HTT: variants seen among roughly 807,000 people sequenced by gnomAD.
The protein encoded by HTT is huntingtin.
Under a neutral mutation model 362.3 loss-of-function variants are expected in HTT, and 104 were observed. That is an observed-to-expected ratio of 0.29 (90% CI 0.24 to 0.34). The LOEUF is 0.34. HTT is among the 10% of genes least tolerant of loss of function. The pLI is 1.00. For synonymous variants in HTT, 1,577 were observed against 1,548.7 expected, an observed-to-expected ratio of 1.02 and a Z score of -0.43; for missense variants, 3,301 against 3,928.6, an observed-to-expected ratio of 0.84 and a Z score of 4.27.
chr4:3,182,533 G>A, intron 37 of HTT, 63 bp downstream of exon 37: 2 of 1,039,258 alleles, frequency 1.9e-6, no homozygotes, highest in Non-Finnish European at 3.0e-6. Flanking sequence ...CCTTGTGAAA[G>A]GTGGGTGGCT....
At chr4:3,138,625 T>A (rs1716196692) in intron 21 of HTT, among the ~76,000 whole-genome samples, 1 of 152,212 alleles carries the variant, frequency 6.6e-6, no homozygotes, top group African/African-American at 2.4e-5. Flanking sequence ...TTATTTATTT[T>A]TTTTGAGATA....
intron 13 of HTT, 115 bp from the exon 14 acceptor site, chr4:3,130,190 T>TA: frequency 9.4e-7 from 1 of 1,059,780 alleles, no homozygotes; most frequent in Non-Finnish European, 1.4e-6. Flanking sequence ...AATTGAGGAA[T>TA]AATCATACTT....
chr4:3,187,813 G>T lies in HTT; in HGVS notation c.5152G>T (p.Asp1718Tyr), dbSNP rs1392214094. 6 of 1,613,508 alleles carry T rather than the reference G, an allele frequency of 3.7e-6. No individual in the cohort carries two copies. The highest frequency in any genetic ancestry group is 4.2e-6 in the Non-Finnish European group (5 of 1,179,442). ...AGTAATTAATAGGTTAAGAGATGGG[G>T]ACAGTACTTCAACGCTAGAAGAACA... ...CTVINRLRDG[D>Y]STSTLEEHSE... Residue 1718 changes from aspartate to tyrosine, a missense_variant, in exon 39 of 67, where the codon GAC (aspartate) becomes TAC (tyrosine). This residue lies in a region of HTT where 2,316 missense variants were observed against 2,658.5 expected (regional missense o/e 0.87). Coordinates refer to ENST00000355072, the MANE Select transcript of HTT (RefSeq NM_001388492.1).
At chr4:3,157,281 G>A (rs1717196690) in intron 28 of HTT, 82 bp downstream of exon 28, 1 of 1,327,508 alleles carries the variant, frequency 7.5e-7, no homozygotes, top group Non-Finnish European at 1.1e-6. Flanking sequence ...CTTATGATTT[G>A]TAGGATGTAT....
rs1208401558 is a variant in HTT at position 3,243,570 on chromosome 4, C to T, written c.*3511C>T. 6.6e-6 allele frequency: 1 copy of T among 152,284 alleles called. No homozygotes were observed. The highest frequency in any genetic ancestry group is 1.5e-5 in the Non-Finnish European group (1 of 68,064). 9.4% of individuals were successfully genotyped at this position (152,284 alleles called of 1,614,324 possible). A position where few individuals can be genotyped will look rare whatever the true frequency, so the allele number is the denominator to read the frequency against. ...CCTGGAAGGTTCAGGGGCCGCTCTT[C>T]CCCCATGTGCCTGTCACGCTCTGGT... On this transcript the variant is annotated 3_prime_UTR_variant, in exon 67 of 67. Transcript: ENST00000355072.
At chr4:3,234,805 A>T (rs1560606985) in intron 61 of HTT, among the ~76,000 whole-genome samples, 1 of 152,200 alleles carries the variant, frequency 6.6e-6, no homozygotes, top group Admixed American at 6.5e-5. Flanking sequence ...CTCTGTTCAC[A>T]GTGGCCACTC....
In HTT at chr4:3,174,779, A is replaced by T. The variant is rs370382867; in HGVS notation, c.4225A>T (p.Thr1409Ser). ...TQLKTNLTSVTKNRADKNAIH... is the reference protein window; with the variant it reads ...TQLKTNLTSVSKNRADKNAIH... Reference sequence around the variant, plus strand: ...GTTGAAGACAAACCTCACGAGTGTCACAAAGAACCGTGCAGATAAGGTAAA... The same window carrying T: ...GTTGAAGACAAACCTCACGAGTGTCTCAAAGAACCGTGCAGATAAGGTAAA... The change falls in exon 32 of 67, where the codon ACA (threonine) becomes TCA (serine). Residue 1409 changes from threonine (T) to serine (S), a missense_variant. This residue lies in a region of HTT where 2,316 missense variants were observed against 2,658.5 expected (regional missense o/e 0.87). Coordinates refer to ENST00000355072, the MANE Select transcript of HTT (RefSeq NM_001388492.1). The T allele has an allele frequency of 6.8e-6, 11 of 1,614,132 alleles. No homozygotes were observed. The South Asian group carries it at 1.1e-4, about 16-fold the overall frequency.
chr4:3,202,573 C>G (rs1011215363), intron 41 of HTT, among the ~76,000 whole-genome samples: 20 of 152,118 alleles, frequency 1.3e-4, no homozygotes, highest in African/African-American at 4.6e-4. Flanking sequence ...GTAACAGCCC[C>G]CCTCCCCCAA....
At position 3,217,750 on chromosome 4, in the gene HTT, C is replaced by T; in HGVS notation, c.7055-15C>T. 1.2e-6 allele frequency: 2 copies of T among 1,604,250 alleles called. No individual in the cohort carries two copies. The highest frequency in any genetic ancestry group is 8.5e-7 in the Non-Finnish European group (1 of 1,173,762). On this transcript the variant is annotated splice_polypyrimidine_tract_variant and intron_variant, in intron 51 of 66. Transcript: ENST00000355072. ...TGTTTTTTAAAAAGTCCTCTCTTAA[C>T]CGTTGCTTGTTTAGATCCTAAGTAT...
At chr4:3,182,772 C>G (rs908081688) in intron 37 of HTT, among the ~76,000 whole-genome samples, 3 of 152,210 alleles carry the variant, frequency 2.0e-5, no homozygotes, top group African/African-American at 7.2e-5. Flanking sequence ...AAAGCCCGAA[C>G]CCTTACCTCC....
At chr4:3,231,616 C>T (rs1025817238) in intron 60 of HTT, among the ~76,000 whole-genome samples, 3 of 152,146 alleles carry the variant, frequency 2.0e-5, no homozygotes, top group Non-Finnish European at 4.4e-5. Context: ...GGGTGTCCTT[C>T]AGCCTGGTGC....
Position 3,145,233 on chromosome 4 carries a change from GTAT to G in HTT, c.3143+7_3143+9del. 1 of 1,582,198 alleles carries G rather than the reference GTAT, an allele frequency of 6.3e-7. No individual in the cohort carries two copies. The highest frequency in any genetic ancestry group is 8.7e-7 in the Non-Finnish European group (1 of 1,150,936). Reference sequence around the variant, plus strand: ...GAGTTTAGGTTGGCACTGTGGGTATGTATTTTCCTCAGTATATATTAATAGTTG... The same window carrying G: ...GAGTTTAGGTTGGCACTGTGGGTATGTTTCCTCAGTATATATTAATAGTTG... On this transcript the variant is annotated splice_donor_region_variant and intron_variant, in intron 24 of 66. Coordinates refer to ENST00000355072, the MANE Select transcript of HTT (RefSeq NM_001388492.1).
intron 23 of HTT, among the ~76,000 whole-genome samples, chr4:3,143,270 C>G (rs1189599650): frequency 6.6e-6 from 1 of 151,834 alleles, no homozygotes; most frequent in Non-Finnish European, 1.5e-5. Context: ...AACCCCATCT[C>G]TACTAAAAAT....
rs918588359 is a variant in HTT, at chr4:3,143,122, C to T, written c.3066+236C>T. Among the ~76,000 whole-genome samples the T allele has an allele frequency of 1.3e-3, 196 of 152,168 alleles. 1 individual carries two copies. The highest frequency in any genetic ancestry group is 4.5e-3 in the African/African-American group (185 of 41,528). ...AATACACGCCCAAAATAAAAAAATT[C>T]AGCCAATTTAGGAAGACACAACAAT... On this transcript the variant is annotated intron_variant, in intron 23 of 66. Coordinates refer to ENST00000355072, the MANE Select transcript of HTT (RefSeq NM_001388492.1).
At chr4:3,090,005 G>A (rs1386946675) in intron 2 of HTT, among the ~76,000 whole-genome samples, 2 of 152,110 alleles carry the variant, frequency 1.3e-5, no homozygotes, top group Non-Finnish European at 2.9e-5. Context: ...ACTTTTTAGG[G>A]ATTTCAGAGT....
chr4:3,220,342 G>T (rs1301150036), intron 53 of HTT, 34 bp downstream of exon 53: 2 of 1,598,436 alleles, frequency 1.3e-6, no homozygotes, highest in Non-Finnish European at 1.7e-6. Context: ...GGTCACCATT[G>T]TCGGACATCT....
chr4:3,223,603 T>C (rs371933986), intron 55 of HTT, 43 bp downstream of exon 55: 26 of 1,521,338 alleles, frequency 1.7e-5, no homozygotes, highest in African/African-American at 5.5e-5. Flanking sequence ...TAGCAGGTGC[T>C]GGGGACAGTG....
At chr4:3,108,662 C>T (rs902408876) in intron 6 of HTT, among the ~76,000 whole-genome samples, 2 of 152,118 alleles carry the variant, frequency 1.3e-5, no homozygotes, top group Non-Finnish European at 2.9e-5. Flanking sequence ...CTTTGTTGAA[C>T]GTAGAATCCG....
chr4:3,231,926 C>G (rs1721272639), intron 60 of HTT, among the ~76,000 whole-genome samples: 1 of 152,206 alleles, frequency 6.6e-6, no homozygotes, highest in Non-Finnish European at 1.5e-5. Context: ...CATGGACACT[C>G]ACTCCCAGCT....
Sources: allele counts gnomAD v4.1 joint callset (sites outside exome capture counted in the v4.1 genomes callset), GRCh38; gene constraint gnomAD v4.1.1; regional missense constraint gnomAD v4.1.1; transcripts MANE v1.5; gene names NCBI Gene and HGNC (gene_info 2026-07-23, HGNC 2026-07-21).